The following OPHN1 variants were observed in gnomAD, a reference collection of about 807,000 sequenced individuals.
The protein encoded by OPHN1 is oligophrenin-1.
In OPHN1, 11 loss-of-function variants were observed where a neutral mutation model predicts 60.7. The ratio of observed to expected loss-of-function variants is 0.18; its 90% CI spans 0.11 to 0.30. The LOEUF (loss-of-function observed/expected upper bound fraction) is 0.30, where lower values mean the gene tolerates loss of function less well. Ranked by LOEUF, OPHN1 falls within the 10% of genes least tolerant of loss-of-function variation. The pLI is 1.00. For missense variants in OPHN1, 449 were observed against 611.0 expected, an observed-to-expected ratio of 0.73 and a Z score of 2.80; for synonymous variants, 226 against 222.6, an observed-to-expected ratio of 1.02 and a Z score of -0.14.
At chrX:68,227,212 C>A (rs1364699954) in intron 6 of OPHN1, among the ~76,000 whole-genome samples, 1 of 111,636 alleles carries the variant, frequency 9.0e-6, no homozygotes, top group East Asian at 2.8e-4. Flanking sequence ...GCTAACTATC[C>A]TAAATATATA....
intron 3 of OPHN1, among the ~76,000 whole-genome samples, chrX:68,283,714 T>C (rs1217825273): frequency 8.9e-6 from 1 of 112,088 alleles, no homozygotes; most frequent in Non-Finnish European, 1.9e-5. Context: ...CTTTAGTGCC[T>C]ATTCAAATTC....
At chrX:68,394,071 A>G (rs1247688878) in intron 2 of OPHN1, among the ~76,000 whole-genome samples, 14 of 103,416 alleles carry the variant, frequency 1.4e-4, no homozygotes, top group Non-Finnish European at 1.2e-4. Context: ...AATTTTTTGT[A>G]TTTTTAGTAG....
In OPHN1 at chrX:68,063,153, T is replaced by C. The variant is rs180934969; in HGVS notation, c.2158+701A>G. ...CTGCCAGTTATTAGCTGTGAATCTT[T>C]GGCAAGTCACTTATCTACAGCAGCC... On this transcript the variant is annotated intron_variant, in intron 21 of 24. Coordinates refer to ENST00000355520, the MANE Select transcript of OPHN1 (RefSeq NM_002547.3). Among the ~76,000 whole-genome samples the C allele has an allele frequency of 2.7e-5, 3 of 110,409 alleles. No individual in the cohort carries two copies. In the Admixed American group the frequency reaches 2.9e-4, roughly 11 times the overall value.
chrX:68,302,953 A>C (rs1353285611), intron 2 of OPHN1, among the ~76,000 whole-genome samples: 1 of 110,884 alleles, frequency 9.0e-6, no homozygotes, highest in Non-Finnish European at 1.9e-5. Flanking sequence ...AAAAGAAAGC[A>C]ATCACATTTG....
intron 2 of OPHN1, among the ~76,000 whole-genome samples, chrX:68,366,355 G>T (rs1247018230): frequency 9.0e-6 from 1 of 110,632 alleles, no homozygotes; most frequent in Non-Finnish European, 1.9e-5. Context: ...TTGAGACAGG[G>T]TCTCACTCTG....
At chrX:68,117,831 G>T (rs2077133663) in intron 16 of OPHN1, among the ~76,000 whole-genome samples, 1 of 111,564 alleles carries the variant, frequency 9.0e-6, no homozygotes, top group Admixed American at 9.5e-5. Flanking sequence ...CTTACTGGGG[G>T]TGCCGCCCAC....
At chrX:68,314,623 A>G (rs1431376101) in intron 2 of OPHN1, among the ~76,000 whole-genome samples, 1 of 111,544 alleles carries the variant, frequency 9.0e-6, no homozygotes, top group Non-Finnish European at 1.9e-5. Flanking sequence ...AAAAACAATA[A>G]CACCAATACT....
chrX:68,139,643 A>G, intron 15 of OPHN1, among the ~76,000 whole-genome samples: 1 of 112,537 alleles, frequency 8.9e-6, no homozygotes, highest in Admixed American at 9.4e-5. Context: ...TGTAAAAAGT[A>G]GACTTTCTTT....
chrX:68,379,865 C>T (rs1038493926), intron 2 of OPHN1, among the ~76,000 whole-genome samples: 5 of 108,815 alleles, frequency 4.6e-5, no homozygotes, highest in Non-Finnish European at 9.4e-5. Flanking sequence ...CAGTGTTCAT[C>T]GAGGATATTG....
chrX:68,353,158 A>G (rs1346375356), intron 2 of OPHN1, among the ~76,000 whole-genome samples: 1 of 109,656 alleles, frequency 9.1e-6, no homozygotes, highest in Non-Finnish European at 1.9e-5. Context: ...CCTGTCTCAA[A>G]CAAAAAAAAA....
At chrX:68,091,366 T>A (rs1163448346) in intron 19 of OPHN1, among the ~76,000 whole-genome samples, 1 of 111,045 alleles carries the variant, frequency 9.0e-6, no homozygotes, top group Non-Finnish European at 1.9e-5. Context: ...TGATGCCAGG[T>A]TGTGTAGGTG....
intron 5 of OPHN1, among the ~76,000 whole-genome samples, chrX:68,269,996 C>T (rs768824403): frequency 0.033 from 3,664 of 111,746 alleles, 55 homozygotes; most frequent in Middle Eastern, 0.06. Context: ...AAATGCTCAT[C>T]GTCACTGGTC....
chrX:68,125,562 C>T (rs1048338457), intron 15 of OPHN1, among the ~76,000 whole-genome samples: 8 of 109,989 alleles, frequency 7.3e-5, no homozygotes, highest in African/African-American at 2.3e-4. Flanking sequence ...AACTATATGC[C>T]AATAAATTGG....
chrX:68,415,188 G>A (rs1421854801), intron 2 of OPHN1, among the ~76,000 whole-genome samples: 1 of 111,668 alleles, frequency 9.0e-6, no homozygotes, highest in Non-Finnish European at 1.9e-5. Context: ...CTTACACATG[G>A]GAACCTGTGA....
At chrX:68,211,282 C>T (rs2077583369) in intron 8 of OPHN1, among the ~76,000 whole-genome samples, 1 of 112,340 alleles carries the variant, frequency 8.9e-6, no homozygotes, top group African/African-American at 3.2e-5. Context: ...TGCAATTTAA[C>T]ACCCATTCTA....
chrX:68,110,078 A>G lies in OPHN1; in HGVS notation c.1526+1776T>C, dbSNP rs750380572. On this transcript the variant is annotated intron_variant, in intron 18 of 24. Coordinates refer to ENST00000355520, the MANE Select transcript of OPHN1 (RefSeq NM_002547.3). ...TGGGTCAAAGGATAACTGAATGTGT[A>G]GATTTGTTAGGTACTGCCAAATCCC... Among the ~76,000 whole-genome samples the G allele has an allele frequency of 3.7e-4, 41 of 110,884 alleles. 1 individual carries two copies. The highest frequency in any genetic ancestry group is 6.4e-4 in the Non-Finnish European group (34 of 53,014).
At chrX:68,372,585 T>C (rs986424959) in intron 2 of OPHN1, among the ~76,000 whole-genome samples, 2 of 111,317 alleles carry the variant, frequency 1.8e-5, no homozygotes, top group Non-Finnish European at 3.8e-5. Flanking sequence ...GACAGGACTT[T>C]CTAAACTACG....
At chrX:68,248,628 A>G (rs1006988625) in intron 5 of OPHN1, among the ~76,000 whole-genome samples, 3 of 112,422 alleles carry the variant, frequency 2.7e-5, no homozygotes, top group Non-Finnish European at 5.6e-5. Context: ...TGTATCAAAG[A>G]GATATCTGTA....
chrX:68,044,340 C>T lies in OPHN1; in HGVS notation c.*2832G>A, dbSNP rs916444946. 9 of 112,483 alleles carry T rather than the reference C, an allele frequency of 8.0e-5. No individual in the cohort carries two copies. Among genetic ancestry groups the T allele is most frequent in the African/African-American group, 2.9e-4 (9 of 31,004 alleles). The allele number at this position is 112,483 out of a possible 1,213,427, so 9.3% of individuals were successfully genotyped here. ...AGTCCTTTTATTTACTTTCTATGTG[C>T]CCTTGAGTTGTTTACTTTAGCCCCC... On this transcript the variant is annotated 3_prime_UTR_variant, in exon 25 of 25. Transcript: ENST00000355520.
Sources: allele counts gnomAD v4.1 joint callset (sites outside exome capture counted in the v4.1 genomes callset), GRCh38; gene constraint gnomAD v4.1.1; transcripts MANE v1.5; gene names NCBI Gene and HGNC (gene_info 2026-07-23, HGNC 2026-07-21).